GPR37: variants seen among roughly 807,000 people sequenced by gnomAD.
The protein encoded by GPR37 is G protein-coupled receptor 37.
Under a neutral mutation model 43.6 loss-of-function variants are expected in GPR37, and 20 were observed. The observed-to-expected ratio is 0.46, with a 90% CI of 0.32 to 0.67. GPR37 has a LOEUF of 0.67. GPR37 is among the 30% of genes least tolerant of loss of function. GPR37 has a pLI of 0.03. For missense variants in GPR37, 724 were observed against 797.2 expected (o/e 0.91, Z 1.11); for synonymous variants, 315 against 322.6 (o/e 0.98, Z 0.25).
rs1285666056 is a variant in GPR37, at chr7:124,746,046, G to T, written c.*479C>A. 6.6e-6 allele frequency: 1 copy of T among 152,310 alleles called. No individual in the cohort carries two copies. Among genetic ancestry groups the T allele is most frequent in the East Asian group, 1.9e-4 (1 of 5,194 alleles). 9.4% of individuals were successfully genotyped at this position (152,310 alleles called of 1,614,324 possible). On this transcript the variant is annotated 3_prime_UTR_variant, in exon 2 of 2. Transcript: ENST00000303921. ...ATTTATTGAATATTGGTTAAAAGTA[G>T]ATTGACAATGACATTAAAGAATAAA...
intron 1 of GPR37, among the ~76,000 whole-genome samples, chr7:124,749,925 A>G (rs1311922177): frequency 2.0e-5 from 3 of 152,152 alleles, no homozygotes; most frequent in Admixed American, 6.5e-5. Context: ...ACAAAAAATA[A>G]TCTCCACTTT....
intron 1 of GPR37, among the ~76,000 whole-genome samples, chr7:124,753,419 C>G (rs1793754202): frequency 6.6e-6 from 1 of 152,020 alleles, no homozygotes; most frequent in Non-Finnish European, 1.5e-5. Flanking sequence ...AAGCGACATT[C>G]AGTACTCTGA....
intron 1 of GPR37, among the ~76,000 whole-genome samples, chr7:124,755,374 CCTTCT>C (rs1368626602): frequency 6.6e-6 from 1 of 152,144 alleles, no homozygotes; most frequent in African/African-American, 2.4e-5. Flanking sequence ...TCATTCTCCA[CCTTCT>C]CTTCTTTTGC....
Position 124,745,890 on chromosome 7 carries a change from A to G in GPR37, c.*635T>C, listed in dbSNP as rs1021274909. On this transcript the variant is annotated 3_prime_UTR_variant, in exon 2 of 2. Transcript: ENST00000303921. ...TAGTTTTATGAATCATGCATATAAA[A>G]TACTGCTATTAGAAAAACTTCTTTA... 5 of 152,214 alleles carry G rather than the reference A, an allele frequency of 3.3e-5. No homozygotes were observed. The highest frequency in any genetic ancestry group is 7.3e-5 in the Non-Finnish European group (5 of 68,032). The allele number at this position is 152,214 out of a possible 1,614,324, so 9.4% of individuals were successfully genotyped here.
In GPR37 at chr7:124,746,421, T is replaced by G; in HGVS notation, c.*104A>C. On this transcript the variant is annotated 3_prime_UTR_variant, in exon 2 of 2. Transcript: ENST00000303921. ...CAGTAGTTAATATTTCTTTCTTTAT[T>G]GTTTCTTTTTTGCATTTTTCCCTAT... is the stretch of plus-strand genomic sequence containing the variant. 1 of 816,530 alleles carries G rather than the reference T, an allele frequency of 1.2e-6. No individual in the cohort carries two copies. Among genetic ancestry groups the G allele is most frequent in the Non-Finnish European group, 1.9e-6 (1 of 514,762 alleles). 50.6% of individuals were successfully genotyped at this position (816,530 alleles called of 1,614,324 possible).
In GPR37 at chr7:124,754,364, A is replaced by G. The variant is rs956041453; in HGVS notation, c.1024-7021T>C. Among the ~76,000 whole-genome samples the G allele has an allele frequency of 2.6e-5, 4 of 152,180 alleles. No individual in the cohort carries two copies. The East Asian group carries it at 7.7e-4, about 29-fold the overall frequency. ...TGCATTTCTCAGAAGCTAACTGCAG[A>G]CAAGTTAAAAAAGATTAAAAATGAG... On this transcript the variant is annotated intron_variant, in intron 1 of 1. Transcript: ENST00000303921.
In GPR37 at chr7:124,751,621, C is replaced by G. The variant is rs1793736888; in HGVS notation, c.1024-4278G>C. Among the ~76,000 whole-genome samples, 3 of 152,258 alleles carry G rather than the reference C, an allele frequency of 2.0e-5. No individual in the cohort carries two copies. In the South Asian group the frequency reaches 6.2e-4, roughly 32 times the overall value. ...ATTTTGAAATATACTTGTTTACATG[C>G]AGCTTATTAAAAATTCTAAGATGAA... On this transcript the variant is annotated intron_variant, in intron 1 of 1. Transcript: ENST00000303921.
chr7:124,749,494 T>C (rs1397140574), intron 1 of GPR37, among the ~76,000 whole-genome samples: 3 of 152,100 alleles, frequency 2.0e-5, no homozygotes, highest in Admixed American at 2.0e-4. Flanking sequence ...AAACCATTTG[T>C]CATACAATTT....
intron 1 of GPR37, among the ~76,000 whole-genome samples, chr7:124,753,342 T>A (rs2116316015): frequency 6.6e-6 from 1 of 152,184 alleles, no homozygotes; most frequent in Non-Finnish European, 1.5e-5. Flanking sequence ...CTAATTACAG[T>A]TAAGATGCAA....
chr7:124,750,561 T>C (rs886698932), intron 1 of GPR37, among the ~76,000 whole-genome samples: 1 of 152,130 alleles, frequency 6.6e-6, no homozygotes, highest in African/African-American at 2.4e-5. Flanking sequence ...AAAGATAGCA[T>C]CTTCTCTATT....
Position 124,746,316 on chromosome 7 carries a change from T to C in GPR37, c.*209A>G, listed in dbSNP as rs1185086885. The C allele has an allele frequency of 7.0e-6, 3 of 425,550 alleles. No individual in the cohort carries two copies. The highest frequency in any genetic ancestry group is 1.2e-5 in the Non-Finnish European group (3 of 240,298). 26.4% of individuals were successfully genotyped at this position (425,550 alleles called of 1,614,324 possible). A position where few individuals can be genotyped will look rare whatever the true frequency, so the allele number is the denominator to read the frequency against. On this transcript the variant is annotated 3_prime_UTR_variant, in exon 2 of 2. Coordinates refer to ENST00000303921, the MANE Select transcript of GPR37 (RefSeq NM_005302.5). ...TACCAGATAAAATAATCTAAAACTATTGGCCTTCTCATTCTTCTTAAATAA... is the reference window on the plus strand; with the variant it reads ...TACCAGATAAAATAATCTAAAACTACTGGCCTTCTCATTCTTCTTAAATAA...
Position 124,747,334 on chromosome 7 carries a change from G to A in GPR37, c.1033C>T (p.Leu345=). The A allele has an allele frequency of 1.9e-6, 3 of 1,607,272 alleles. No individual in the cohort carries two copies. The highest frequency in any genetic ancestry group is 2.6e-6 in the Non-Finnish European group (3 of 1,175,532). ...KIVPYIEVAS[L]GVTTFTLCAL... The stretch of plus-strand genomic sequence containing the variant: ...CATAAGGTGAAAGTGGTGACTCCCA[G>A]AGAAGCGACCTGTGGGGGAACATAG... Residue 345 remains leucine (L), a synonymous_variant, in exon 2 of 2, where the codon CTG becomes TTG. Coordinates refer to ENST00000303921, the MANE Select transcript of GPR37 (RefSeq NM_005302.5).
At position 124,746,933 on chromosome 7, in the gene GPR37, T is replaced by C. The variant is rs1793678405; in HGVS notation, c.1434A>G (p.Arg478=). The C allele has an allele frequency of 6.2e-7, 1 of 1,614,082 alleles. No individual in the cohort carries two copies. Among genetic ancestry groups the C allele is most frequent in the Middle Eastern group, 1.7e-4 (1 of 6,058 alleles). Residue 478 remains arginine (R), a synonymous_variant, in exon 2 of 2, where the codon CGA becomes CGG. Coordinates refer to ENST00000303921, the MANE Select transcript of GPR37 (RefSeq NM_005302.5). ...CTAGTTGAATCTGCCGTTTATTCCC[T>C]CGGGTACAGGCTTTCTCTGCTTTGC... is the stretch of plus-strand genomic sequence containing the variant. ...KIRKAEKACT[R]GNKRQIQLES...
intron 1 of GPR37, among the ~76,000 whole-genome samples, chr7:124,747,701 C>G (rs193008049): frequency 5.3e-5 from 8 of 152,118 alleles, no homozygotes; most frequent in Middle Eastern, 3.4e-3. Context: ...ACTAGGAGAT[C>G]TAGATAAGGA....
Position 124,764,869 on chromosome 7 carries a change from G to A in GPR37, c.108C>T (p.Asn36=). The change falls in exon 1 of 2, where the codon AAC becomes AAT. Residue 36 remains asparagine, a synonymous_variant. Transcript: ENST00000303921. This position sits in a 1 kb window ranked among gnomAD's most constrained non-coding sequence, Gnocchi z 5.4. The part of the protein sequence containing the change: ...SALGVAPASR[N]ETCLGESCAP... ...CACAGCTCTCCCCCAGACAAGTTTC[G>A]TTTCTGGACGCAGGGGCGACCCCGA... The A allele has an allele frequency of 1.2e-6, 2 of 1,611,666 alleles. No individual in the cohort carries two copies. The highest frequency in any genetic ancestry group is 1.7e-6 in the Non-Finnish European group (2 of 1,179,076).
chr7:124,764,350 C>T lies in GPR37; in HGVS notation c.627G>A (p.Gly209=). 2.5e-6 allele frequency: 4 copies of T among 1,613,166 alleles called. No homozygotes were observed. In the East Asian group the frequency reaches 8.9e-5, roughly 36 times the overall value. ...CCCGGCCCGGGAGTGCAATTGTCCA[C>T]CCTTCGTGCCCCGCCAGTCCATTGG... ...KTANGLAGHE[G]WTIALPGRAL... The change falls in exon 1 of 2, where the codon GGG becomes GGA. Residue 209 remains glycine, a synonymous_variant. Coordinates refer to ENST00000303921, the MANE Select transcript of GPR37 (RefSeq NM_005302.5). This position sits in a 1 kb window ranked among gnomAD's most constrained non-coding sequence, Gnocchi z 5.4.
Position 124,765,045 on chromosome 7 carries a change from T to C in GPR37, c.-69A>G. On this transcript the variant is annotated 5_prime_UTR_variant, in exon 1 of 2. Transcript: ENST00000303921. ...TAGGATCGACACCTGCTGCCGAAGT[T>C]GCTGCTGAGAGTTAGGCACATGTCA... The C allele has an allele frequency of 7.3e-7, 1 of 1,379,120 alleles. No homozygotes were observed. 85.4% of individuals were successfully genotyped at this position (1,379,120 alleles called of 1,614,324 possible).
At position 124,763,322 on chromosome 7, in the gene GPR37, G is replaced by A. The variant is rs533380477; in HGVS notation, c.1023+632C>T. On this transcript the variant is annotated intron_variant, in intron 1 of 1. Transcript: ENST00000303921. Reference sequence around the variant, plus strand: ...AAAAATAAAATTAAGAAACCGAGATGGGAAAAGACAGGAACAAAAAATGAC... The same window carrying A: ...AAAAATAAAATTAAGAAACCGAGATAGGAAAAGACAGGAACAAAAAATGAC... Among the ~76,000 whole-genome samples the A allele has an allele frequency of 9.9e-5, 15 of 152,238 alleles. No homozygotes were observed. In the South Asian group the frequency reaches 3.1e-3, roughly 32 times the overall value.
chr7:124,755,397 T>C (rs1219910088), intron 1 of GPR37, among the ~76,000 whole-genome samples: 1 of 152,186 alleles, frequency 6.6e-6, no homozygotes, highest in East Asian at 1.9e-4. Context: ...TGCCTAAGCT[T>C]GATACCACGC....
Sources: gnomAD v4.1 joint callset for allele counts (sites outside exome capture counted in the v4.1 genomes callset) on GRCh38, gnomAD v4.1.1 for gene constraint, Gnocchi (gnomAD v3.1) non-coding constraint, MANE v1.5 for transcripts, NCBI Gene and HGNC (gene_info 2026-07-23, HGNC 2026-07-21) for gene names.